The following MYH3 variants were observed in gnomAD, a reference collection of about 807,000 sequenced individuals.
MYH3 encodes myosin heavy chain 3, also known as myosin-3.
A neutral mutation model predicts 238.0 loss-of-function variants in MYH3; 130 were observed. That is an observed-to-expected ratio of 0.55 (90% CI 0.47 to 0.63). MYH3 has a LOEUF of 0.63. MYH3 is among the 30% of genes least tolerant of loss of function. MYH3 has a pLI of 0.00. For synonymous variants in MYH3, 880 were observed against 924.1 expected (o/e 0.95, Z 0.86); for missense variants, 1,853 against 2,374.9 (o/e 0.78, Z 4.57).
At chr17:10,641,645 G>T (rs2074273614) in intron 17 of MYH3, among the ~76,000 whole-genome samples, 1 of 151,702 alleles carries the variant, frequency 6.6e-6, no homozygotes, top group South Asian at 2.1e-4. Context: ...CTCCTGAGTA[G>T]CTGGGACTAC....
intron 8 of MYH3, among the ~76,000 whole-genome samples, chr17:10,647,790 G>A (rs1325070863): frequency 6.6e-6 from 1 of 152,130 alleles, no homozygotes; most frequent in Non-Finnish European, 1.5e-5. Context: ...TGATCCGCCC[G>A]CCTCGGCCTC....
Position 10,648,311 on chromosome 17 carries a change from C to T in MYH3, c.735+246G>A, listed in dbSNP as rs73283070. On this transcript the variant is annotated intron_variant, in intron 8 of 40. Coordinates refer to ENST00000583535, the MANE Select transcript of MYH3 (RefSeq NM_002470.4). ...TTCTCATACTGCGGCTCTCAGCTCC[C>T]GTGCCAGCCCCACAGAGAGGTCTTC... 0.017 allele frequency among the ~76,000 whole-genome samples: 2,591 copies of T among 152,262 alleles called. 80 individuals carry two copies. The highest frequency in any genetic ancestry group is 0.059 in the African/African-American group (2,448 of 41,528).
intron 5 of MYH3, 74 bp from the exon 6 acceptor site, chr17:10,650,475 T>A: frequency 7.3e-7 from 1 of 1,371,242 alleles, no homozygotes; most frequent in Admixed American, 1.8e-5. Flanking sequence ...AACTCTCAAG[T>A]AGCCAGAGTT....
At chr17:10,670,952 C>G in the MYH3 span, among the ~76,000 whole-genome samples, 6 of 151,948 alleles carry the variant, frequency 3.9e-5, 1 homozygote, top group Non-Finnish European at 7.4e-5. This position sits in a 1 kb window ranked among gnomAD's most constrained non-coding sequence, Gnocchi z 7.0. Context: ...TGCAGTGGCG[C>G]GATCTTGGCT....
chr17:10,642,963 T>C lies in MYH3; in HGVS notation c.1444A>G (p.Thr482Ala). 1 of 1,614,212 alleles carries C rather than the reference T, an allele frequency of 6.2e-7. No homozygotes were observed. Among genetic ancestry groups the C allele is most frequent in the South Asian group, 1.1e-5 (1 of 91,082 alleles). The change falls in exon 15 of 41, where the codon ACC (threonine) becomes GCC (alanine). Residue 482 changes from threonine (T) to alanine (A), a missense_variant. This residue lies in a region of MYH3 where 678 missense variants were observed against 1,058.9 expected (regional missense o/e 0.64). Coordinates refer to ENST00000583535, the MANE Select transcript of MYH3 (RefSeq NM_002470.4). This position sits in a 1 kb window ranked among gnomAD's most constrained non-coding sequence, Gnocchi z 5.4. ...AAAAACTGTTGCAGTTTCTCATTGG[T>C]GAAGTTGATGCACAGCTGCTCCAGG... ...NSLEQLCINF[T>A]NEKLQQFFNH... is the part of the protein sequence containing the mutation.
chr17:10,642,989 C>T lies in MYH3; in HGVS notation c.1418G>A (p.Ser473Asn). 1 of 1,614,152 alleles carries T rather than the reference C, an allele frequency of 6.2e-7. No homozygotes were observed. Among genetic ancestry groups the T allele is most frequent in the South Asian group, 1.1e-5 (1 of 91,080 alleles). ...IAGFEIFEYN[S>N]LEQLCINFTN... ...GAAGTTGATGCACAGCTGCTCCAGG[C>T]TGTTATACTAATAAAAAAATACAAC... is the stretch of plus-strand genomic sequence containing the variant. The change falls in exon 15 of 41, where the codon AGC becomes AAC. Residue 473 changes from serine (S) to asparagine (N), a missense_variant. This residue lies in a region of MYH3 where 678 missense variants were observed against 1,058.9 expected (regional missense o/e 0.64). Coordinates refer to ENST00000583535, the MANE Select transcript of MYH3 (RefSeq NM_002470.4). This position sits in a 1 kb window ranked among gnomAD's most constrained non-coding sequence, Gnocchi z 5.4.
chr17:10,647,106 G>A (rs140633639), intron 10 of MYH3, 76 bp downstream of exon 10: 87 of 1,057,300 alleles, frequency 8.2e-5, no homozygotes, highest in Admixed American at 3.0e-4. Flanking sequence ...GTCACTCTAC[G>A]TAGATACAAC....
At chr17:10,647,102 C>G in intron 10 of MYH3, 80 bp downstream of exon 10, 2 of 1,021,902 alleles carry the variant, frequency 2.0e-6, no homozygotes, top group South Asian at 2.5e-5. Context: ...TAGAGTCACT[C>G]TACGTAGATA....
At chr17:10,656,235 G>A (rs1359767240) in intron 1 of MYH3, 87 bp from the exon 2 acceptor site, 1 of 152,174 alleles carries the variant, frequency 6.6e-6, no homozygotes, top group East Asian at 1.9e-4. Context: ...TAACTAAAAA[G>A]GATAAAGGGG....
At chr17:10,672,752 A>T in the MYH3 span, 1 of 152,228 alleles carries the variant, frequency 6.6e-6, no homozygotes, top group African/African-American at 2.4e-5. Context: ...TTAATAGCTC[A>T]TCATTTTTTC....
chr17:10,668,367 C>A, the MYH3 span, among the ~76,000 whole-genome samples: 1 of 152,210 alleles, frequency 6.6e-6, no homozygotes. Context: ...TGTACTCCAG[C>A]CTGGGGGACA....
rs528922330 is a variant in MYH3, at chr17:10,632,518, C to T, written c.4914G>A (p.Ala1638=). The T allele has an allele frequency of 1.4e-4, 225 of 1,614,118 alleles. 1 individual carries two copies. In the South Asian group the frequency reaches 1.7e-3, roughly 12 times the overall value. ...IQLSHANRQA[A]ETLKHLRSVQ... is the part of the protein sequence containing the mutation. ...CACTCCTGAGGTGTTTGAGGGTCTC[C>T]GCCGCCTGGCGGTTGGCGTGGCTCA... The change falls in exon 34 of 41, where the codon GCG becomes GCA. Residue 1638 remains alanine, a synonymous_variant. Coordinates refer to ENST00000583535, the MANE Select transcript of MYH3 (RefSeq NM_002470.4).
intron 34 of MYH3, 96 bp from the exon 35 acceptor site, chr17:10,632,112 TTTTG>T: frequency 2.3e-5 from 3 of 131,792 alleles, no homozygotes; most frequent in South Asian, 6.7e-5. Flanking sequence ...GTTTGTTTGT[TTTTG>T]TTTTGTTTTG....
At chr17:10,660,906 A>G (rs571063223), upstream of MYH3, among the ~76,000 whole-genome samples, 1 of 151,276 alleles carries the variant, frequency 6.6e-6, no homozygotes, top group South Asian at 2.1e-4. Flanking sequence ...AATTGCTTGA[A>G]CCCAGGAGGC....
the MYH3 span, among the ~76,000 whole-genome samples, chr17:10,663,609 G>A: frequency 1.1e-3 from 163 of 152,218 alleles, 1 homozygote; most frequent in African/African-American, 3.7e-3. Flanking sequence ...TGGATTTCTC[G>A]AAGGGTCCTT....
chr17:10,636,862 C>T (rs1302306782), intron 28 of MYH3, among the ~76,000 whole-genome samples: 7 of 149,576 alleles, frequency 4.7e-5, no homozygotes, highest in Non-Finnish European at 8.9e-5. Flanking sequence ...TGCAGTGAGC[C>T]GAGATCACAC....
intron 1 of MYH3, among the ~76,000 whole-genome samples, chr17:10,656,610 C>T (rs943154325): frequency 4.1e-5 from 4 of 97,372 alleles, no homozygotes; most frequent in South Asian, 2.9e-4. Context: ...GCAGATGGGA[C>T]GTGACCCACA....
upstream of MYH3, among the ~76,000 whole-genome samples, chr17:10,661,064 C>G (rs948772795): frequency 3.3e-5 from 5 of 151,518 alleles, no homozygotes; most frequent in African/African-American, 7.3e-5. Flanking sequence ...GCAACCTCCA[C>G]CTCCCAGGTT....
intron 1 of MYH3, among the ~76,000 whole-genome samples, 194 bp downstream of exon 1, chr17:10,657,095 G>C (rs2074440151): frequency 6.6e-6 from 1 of 152,254 alleles, no homozygotes; most frequent in East Asian, 1.9e-4. Flanking sequence ...GCTGGAGCCA[G>C]AGGGTGCTGG....
Sources: allele counts gnomAD v4.1 joint callset (sites outside exome capture counted in the v4.1 genomes callset), GRCh38; gene constraint gnomAD v4.1.1; regional missense constraint gnomAD v4.1.1; non-coding constraint Gnocchi (gnomAD v3.1); transcripts MANE v1.5; gene names NCBI Gene and HGNC (gene_info 2026-07-23, HGNC 2026-07-21).